Variants in NREP observed in about 807,000 individuals in gnomAD.
The protein encoded by NREP is neuronal regeneration related protein.
A neutral mutation model predicts 8.6 loss-of-function variants in NREP; 5 were observed. The observed-to-expected ratio is 0.58, with a 90% confidence interval of 0.30 to 1.22. The LOEUF is 1.22. NREP is among the 50% of genes most tolerant of loss of function. The probability of loss-of-function intolerance (pLI) is 0.07; values close to 1 mark genes in which losing one functional copy is unlikely to be tolerated. For synonymous variants in NREP, 27 were observed against 28.0 expected, an observed-to-expected ratio of 0.96 and a Z score of 0.11; for missense variants, 86 against 82.5, an observed-to-expected ratio of 1.04 and a Z score of -0.17.
chr5:111,867,908 T>C (rs755890370), intron 2 of NREP, among the ~76,000 whole-genome samples: 2 of 152,104 alleles, frequency 1.3e-5, no homozygotes, highest in Admixed American at 6.6e-5. Flanking sequence ...TTCAAAATGA[T>C]GTGCAATCAT....
At position 111,730,993 on chromosome 5, in the gene NREP, G is replaced by A. The variant is rs546555506; in HGVS notation, c.135C>T (p.Asn45=). The change falls in exon 4 of 4, where the codon AAC becomes AAT. Residue 45 remains asparagine (N), a synonymous_variant. Coordinates refer to ENST00000257435, the MANE Select transcript of NREP (RefSeq NM_004772.4). ...EVNRKKNDET[N]AASLTPLGSS... ...TGCCCAGTGGAGTCAGGGAGGCAGC[G>A]TTTGTCTCATCGTTCTTCTTGCGGT... is the stretch of plus-strand genomic sequence containing the variant. 53 of 1,613,908 alleles carry A rather than the reference G, an allele frequency of 3.3e-5. No individual in the cohort carries two copies. The highest frequency in any genetic ancestry group is 3.3e-4 in the Middle Eastern group (2 of 6,052).
intron 2 of NREP, among the ~76,000 whole-genome samples, chr5:111,748,748 T>A (rs1750169923): frequency 6.6e-6 from 1 of 151,986 alleles, no homozygotes; most frequent in Non-Finnish European, 1.5e-5. Flanking sequence ...ATCCCACTGG[T>A]AGAGGAAATG....
chr5:111,930,431 T>G (rs1167607033), intron 2 of NREP, among the ~76,000 whole-genome samples: 1 of 152,182 alleles, frequency 6.6e-6, no homozygotes, highest in Non-Finnish European at 1.5e-5. Flanking sequence ...CACTGGATAT[T>G]GTTAAAAATG....
intron 2 of NREP, among the ~76,000 whole-genome samples, chr5:111,938,467 T>C (rs1755742567): frequency 6.6e-6 from 1 of 152,088 alleles, no homozygotes; most frequent in Admixed American, 6.6e-5. Flanking sequence ...AAGTGAAACT[T>C]AAACTAAAAT....
At chr5:111,945,593 G>C (rs1755955804) in intron 2 of NREP, among the ~76,000 whole-genome samples, 1 of 151,660 alleles carries the variant, frequency 6.6e-6, no homozygotes. Context: ...AGAATACAAG[G>C]GTTTGTTTTG....
At chr5:111,952,283 CAAGAATGAGAAT>C (rs1756183144) in intron 2 of NREP, among the ~76,000 whole-genome samples, 1 of 152,116 alleles carries the variant, frequency 6.6e-6, no homozygotes, top group South Asian at 2.1e-4. Context: ...GCCAGTTAGG[CAAGAATGAGAAT>C]ACAGTCAAAG....
intron 2 of NREP, among the ~76,000 whole-genome samples, chr5:111,957,691 G>A (rs1162886787): frequency 6.6e-6 from 1 of 151,420 alleles, no homozygotes; most frequent in Non-Finnish European, 1.5e-5. Context: ...AACTTCATGT[G>A]TGTGTATATA....
Position 111,730,895 on chromosome 5 carries a change from A to T in NREP, c.*26T>A. 1 of 1,612,216 alleles carries T rather than the reference A, an allele frequency of 6.2e-7. No individual in the cohort carries two copies. The highest frequency in any genetic ancestry group is 2.2e-5 in the East Asian group (1 of 44,872). On this transcript the variant is annotated 3_prime_UTR_variant, in exon 4 of 4. Coordinates refer to ENST00000257435, the MANE Select transcript of NREP (RefSeq NM_004772.4). ...GACCTCATCAATACCCATACACCAT[A>T]TGTAATACAAATGGAGGTGTTACGA...
intron 2 of NREP, among the ~76,000 whole-genome samples, chr5:111,931,974 G>T (rs1214471769): frequency 2.0e-5 from 3 of 151,988 alleles, no homozygotes; most frequent in Non-Finnish European, 4.4e-5. Context: ...GCATCTCATT[G>T]TATCCTTAGA....
intron 2 of NREP, among the ~76,000 whole-genome samples, chr5:111,890,894 T>C (rs371877308): frequency 1.6e-3 from 251 of 152,328 alleles, no homozygotes; most frequent in African/African-American, 5.9e-3. Flanking sequence ...TTTGAGGCCT[T>C]TTTCCCATTA....
chr5:111,774,553 C>T (rs1200588351), intron 2 of NREP, among the ~76,000 whole-genome samples: 2 of 152,148 alleles, frequency 1.3e-5, no homozygotes, highest in Non-Finnish European at 2.9e-5. Flanking sequence ...GGGAATGCAG[C>T]GTTTCAAAGT....
chr5:111,868,205 G>A (rs973474165), intron 2 of NREP, among the ~76,000 whole-genome samples: 2 of 152,156 alleles, frequency 1.3e-5, no homozygotes, highest in African/African-American at 2.4e-5. Context: ...GAGGATGTCA[G>A]TCTCCAGTGT....
chr5:111,855,554 C>A (rs1191505038), intron 2 of NREP, among the ~76,000 whole-genome samples: 1 of 152,156 alleles, frequency 6.6e-6, no homozygotes, highest in East Asian at 1.9e-4. Flanking sequence ...CTTTATCTTT[C>A]TGTGAAGTGA....
chr5:111,919,113 C>A (rs1581218348), intron 2 of NREP, among the ~76,000 whole-genome samples: 1 of 151,786 alleles, frequency 6.6e-6, no homozygotes, highest in Non-Finnish European at 1.5e-5. Flanking sequence ...TTTATGCTGC[C>A]AAAAAACATA....
intron 2 of NREP, among the ~76,000 whole-genome samples, chr5:111,868,812 T>G (rs1322006437): frequency 6.6e-6 from 1 of 151,834 alleles, no homozygotes; most frequent in African/African-American, 2.4e-5. Flanking sequence ...GCAGACAAAT[T>G]TGAAGCATCA....
In NREP at chr5:111,930,350, C is replaced by T. The variant is rs187011763; in HGVS notation, c.135+44924G>A. On this transcript the variant is annotated intron_variant, in intron 2 of 3. Coordinates refer to the NREP transcript ENST00000395634. ...AAATGAGAATAAATGTAGTCCCCCA[C>T]CCTCAAAGATATAATGGTTTCTTTG... Among the ~76,000 whole-genome samples, 7 of 152,282 alleles carry T rather than the reference C, an allele frequency of 4.6e-5. No individual in the cohort carries two copies. The East Asian group carries it at 1.4e-3, about 29-fold the overall frequency.
chr5:111,814,599 G>A (rs546572105), intron 2 of NREP, among the ~76,000 whole-genome samples: 1 of 152,102 alleles, frequency 6.6e-6, no homozygotes, highest in African/African-American at 2.4e-5. Context: ...GCAGATCTTT[G>A]TTGAGCAACT....
chr5:111,776,572 A>G (rs967375922), intron 2 of NREP, among the ~76,000 whole-genome samples: 5 of 152,210 alleles, frequency 3.3e-5, no homozygotes, highest in Non-Finnish European at 7.3e-5. Context: ...CCATATGTCC[A>G]TCAACAAGAG....
chr5:111,774,104 T>C (rs1751301742), intron 2 of NREP, among the ~76,000 whole-genome samples: 2 of 151,992 alleles, frequency 1.3e-5, no homozygotes, highest in African/African-American at 2.4e-5. Flanking sequence ...TCTAGAAACA[T>C]CATTGAACTA....
Sources: gnomAD v4.1 joint callset for allele counts (sites outside exome capture counted in the v4.1 genomes callset) on GRCh38, gnomAD v4.1.1 for gene constraint, MANE v1.5 for transcripts, NCBI Gene and HGNC (gene_info 2026-07-23, HGNC 2026-07-21) for gene names.